The following PRELID2 variants were observed in gnomAD, a reference collection of about 807,000 sequenced individuals.
PRELID2 encodes the protein PRELI domain containing 2, also known as PRELI domain-containing protein 2.
In PRELID2, 25 loss-of-function variants were observed where a neutral mutation model predicts 28.4. That is an observed-to-expected ratio of 0.88 (90% CI 0.64 to 1.23). The LOEUF is 1.23. Ranked by LOEUF, PRELID2 falls within the 50% of genes most tolerant of loss-of-function variation. The pLI, the probability that PRELID2 is intolerant of heterozygous loss-of-function variation, is 0.00. For synonymous variants in PRELID2, 76 were observed against 71.6 expected, an observed-to-expected ratio of 1.06 and a Z score of -0.31; for missense variants, 201 against 214.4, an observed-to-expected ratio of 0.94 and a Z score of 0.39.
intron 1 of PRELID2, among the ~76,000 whole-genome samples, chr5:145,502,892 T>A (rs1752372360): frequency 1.3e-5 from 2 of 151,914 alleles, no homozygotes. Flanking sequence ...AATAAGGACT[T>A]CAAATAAATG....
the PRELID2 span, among the ~76,000 whole-genome samples, chr5:145,288,213 AG>A: frequency 6.6e-6 from 1 of 152,174 alleles, no homozygotes; most frequent in African/African-American, 2.4e-5. Context: ...TTTAAGAGGT[AG>A]AAAGTTATGT....
At chr5:145,263,842 T>C in the PRELID2 span, among the ~76,000 whole-genome samples, 7 of 148,456 alleles carry the variant, frequency 4.7e-5, no homozygotes, top group Non-Finnish European at 1.0e-4. Flanking sequence ...GAAATGGTAA[T>C]TAAAAAGTTA....
chr5:145,641,669 AG>A (rs58743846), intron 1 of PRELID2, among the ~76,000 whole-genome samples: 1 of 152,066 alleles, frequency 6.6e-6, no homozygotes, highest in Non-Finnish European at 1.5e-5. Flanking sequence ...CAAGCCCCCC[AG>A]GGGGGCCCTG....
At chr5:145,250,222 A>G in the PRELID2 span, among the ~76,000 whole-genome samples, 3 of 152,242 alleles carry the variant, frequency 2.0e-5, no homozygotes, top group South Asian at 6.2e-4. Flanking sequence ...CTTCGTCAGC[A>G]TGAATTATGT....
rs1298133316 is a variant in PRELID2, at chr5:145,756,571, A to C, written c.*3965T>G. ...GGGAGACAATGGTTTATTGATCAAG[A>C]GAAATTATTTCTAGCAATATCTCAC... On this transcript the variant is annotated 3_prime_UTR_variant, in exon 7 of 7. Transcript: ENST00000683046. Among the ~76,000 whole-genome samples, 1 of 152,236 alleles carries C rather than the reference A, an allele frequency of 6.6e-6. No individual in the cohort carries two copies. Among genetic ancestry groups the C allele is most frequent in the African/African-American group, 2.4e-5 (1 of 41,454 alleles).
intron 1 of PRELID2, among the ~76,000 whole-genome samples, chr5:145,645,020 GT>G (rs1288855839): frequency 5.9e-5 from 9 of 152,178 alleles, no homozygotes; most frequent in African/African-American, 2.2e-4. Flanking sequence ...TTCTGTAGAT[GT>G]CTATTAAGTC....
chr5:145,752,145 C>A (rs756779527), downstream of PRELID2, among the ~76,000 whole-genome samples: 1 of 152,292 alleles, frequency 6.6e-6, no homozygotes, highest in Non-Finnish European at 1.5e-5. Flanking sequence ...AAATGTCTAG[C>A]TGACTCCTCG....
At chr5:145,826,717 G>T (rs911095144) in intron 1 of PRELID2, among the ~76,000 whole-genome samples, 1 of 152,020 alleles carries the variant, frequency 6.6e-6, no homozygotes, top group Non-Finnish European at 1.5e-5. Flanking sequence ...TAATATTGGG[G>T]GGGAATATGC....
chr5:145,319,826 C>T, the PRELID2 span, among the ~76,000 whole-genome samples: 7 of 152,290 alleles, frequency 4.6e-5, no homozygotes, highest in Admixed American at 2.6e-4. Flanking sequence ...GATAAGCATA[C>T]CACCAGAGTC....
intron 4 of PRELID2, among the ~76,000 whole-genome samples, chr5:145,805,679 T>C (rs1032200805): frequency 6.6e-6 from 1 of 152,174 alleles, no homozygotes; most frequent in Non-Finnish European, 1.5e-5. Context: ...ACAATGAAGA[T>C]ATGTTCTGAG....
chr5:145,246,342 A>T, the PRELID2 span, among the ~76,000 whole-genome samples: 1 of 152,098 alleles, frequency 6.6e-6, no homozygotes, highest in African/African-American at 2.4e-5. Flanking sequence ...AGTACCGGGG[A>T]TATAATAGTG....
chr5:145,294,781 A>G, the PRELID2 span, among the ~76,000 whole-genome samples: 1 of 152,154 alleles, frequency 6.6e-6, no homozygotes, highest in Admixed American at 6.6e-5. Context: ...CTATTTCTGC[A>G]TTTAATGCCA....
the PRELID2 span, among the ~76,000 whole-genome samples, chr5:145,458,653 T>TATCTA: frequency 6.6e-6 from 1 of 152,166 alleles, no homozygotes; most frequent in Non-Finnish European, 1.5e-5. Flanking sequence ...AGAATTATTC[T>TATCTA]ATCTAAAATG....
At chr5:145,476,727 C>T (rs1164387537) in intron 1 of PRELID2, among the ~76,000 whole-genome samples, 1 of 152,066 alleles carries the variant, frequency 6.6e-6, no homozygotes, top group Admixed American at 6.5e-5. Flanking sequence ...GAATGAAACA[C>T]CTTTCACATG....
intron 1 of PRELID2, among the ~76,000 whole-genome samples, chr5:145,592,143 A>G (rs1432633242): frequency 6.6e-6 from 1 of 152,162 alleles, no homozygotes; most frequent in Non-Finnish European, 1.5e-5. Flanking sequence ...TCAGCCAGGC[A>G]CGGTGGCTCA....
At chr5:145,469,644 G>C (rs1449210262), downstream of PRELID2, among the ~76,000 whole-genome samples, 1 of 152,086 alleles carries the variant, frequency 6.6e-6, no homozygotes, top group African/African-American at 2.4e-5. Context: ...GCAATGACCA[G>C]CTGTAAGATT....
At chr5:145,577,042 G>C (rs1580982641) in intron 1 of PRELID2, among the ~76,000 whole-genome samples, 1 of 152,222 alleles carries the variant, frequency 6.6e-6, no homozygotes, top group African/African-American at 2.4e-5. Flanking sequence ...CAGACACAGT[G>C]GTTCCAGGCT....
chr5:145,578,310 C>T (rs923782857), intron 1 of PRELID2, among the ~76,000 whole-genome samples: 2 of 152,150 alleles, frequency 1.3e-5, no homozygotes, highest in African/African-American at 4.8e-5. Flanking sequence ...AACATACCAA[C>T]TTTCACTTAG....
At chr5:145,572,311 T>C (rs1753021885) in intron 1 of PRELID2, among the ~76,000 whole-genome samples, 1 of 152,214 alleles carries the variant, frequency 6.6e-6, no homozygotes, top group African/African-American at 2.4e-5. Flanking sequence ...CTGATGACCT[T>C]GGGTGTATGT....
Sources: gnomAD v4.1 joint callset for allele counts (sites outside exome capture counted in the v4.1 genomes callset) on GRCh38, gnomAD v4.1.1 for gene constraint, MANE v1.5 for transcripts, NCBI Gene and HGNC (gene_info 2026-07-23, HGNC 2026-07-21) for gene names.